UGT1A7: variants seen among roughly 807,000 people sequenced by gnomAD.
The protein encoded by UGT1A7 is UDP-glucuronosyltransferase 1A7.
UGT1A7 carries 33 observed loss-of-function variants against 45.6 expected under a neutral mutation model. The observed-to-expected ratio is 0.72, with a 90% CI of 0.55 to 0.97. UGT1A7 has a LOEUF of 0.97. Among genes scored for constraint, UGT1A7 ranks in the 50% least tolerant of loss-of-function variants. The pLI, the probability that UGT1A7 is intolerant of heterozygous loss-of-function variation, is 0.00. For missense variants in UGT1A7, 684 were observed against 666.2 expected (o/e 1.03, Z -0.29); for synonymous variants, 274 against 250.6 (o/e 1.09, Z -0.88).
intron 1 of UGT1A7, among the ~76,000 whole-genome samples, chr2:233,712,623 C>T (rs5020121): frequency 0.1 from 15,461 of 152,214 alleles, 906 homozygotes; most frequent in East Asian, 0.2. Flanking sequence ...GGTGACTCCT[C>T]AGACCTCAGC....
At chr2:233,728,122 T>C (rs534141246) in intron 1 of UGT1A7, among the ~76,000 whole-genome samples, 2 of 152,362 alleles carry the variant, frequency 1.3e-5, no homozygotes, top group Non-Finnish European at 2.9e-5. Context: ...TCTTGAAATT[T>C]GGACTAGGGC....
At chr2:233,683,614 CTGTTT>C (rs1257566259) in intron 1 of UGT1A7, among the ~76,000 whole-genome samples, 11 of 152,068 alleles carry the variant, frequency 7.2e-5, no homozygotes, top group African/African-American at 2.7e-4. Context: ...TATTCGGATT[CTGTTT>C]TATTTCCATA....
intron 1 of UGT1A7, chr2:233,690,690 T>A (rs959108318): frequency 1.6e-6 from 2 of 1,249,564 alleles, no homozygotes; most frequent in African/African-American, 3.1e-5. Flanking sequence ...CCAGCGGAGC[T>A]ACTCTTTAGG....
chr2:233,758,308 C>G (rs1190172459), intron 1 of UGT1A7, among the ~76,000 whole-genome samples: 1 of 152,214 alleles, frequency 6.6e-6, no homozygotes. Flanking sequence ...TCCAGGTACA[C>G]AGCAGAAGCA....
intron 1 of UGT1A7, among the ~76,000 whole-genome samples, chr2:233,725,204 A>AGAGGCAGAG (rs1559370312): frequency 1.2e-4 from 10 of 85,258 alleles, no homozygotes; most frequent in African/African-American, 8.3e-4. Context: ...AGGCAGAGGC[A>AGAGGCAGAG]GAGGCAGAGG....
intron 1 of UGT1A7, chr2:233,753,481 C>G (rs1199479898): frequency 6.6e-6 from 1 of 152,192 alleles, no homozygotes; most frequent in African/African-American, 2.4e-5. Flanking sequence ...TACCAGCATG[C>G]TGCTCTTAAT....
intron 1 of UGT1A7, chr2:233,729,592 C>G (rs1253832448): frequency 6.2e-7 from 1 of 1,613,966 alleles, no homozygotes; most frequent in African/African-American, 1.3e-5. Context: ...CCCCGTTAAC[C>G]TCTGCGCGGC....
intron 1 of UGT1A7, chr2:233,760,411 A>G (rs1575771994): frequency 6.2e-7 from 1 of 1,614,192 alleles, no homozygotes; most frequent in Non-Finnish European, 8.5e-7. Context: ...CCACTGGCTG[A>G]GCATGCTTGG....
At chr2:233,709,468 G>T (rs1361745327) in intron 1 of UGT1A7, among the ~76,000 whole-genome samples, 1 of 152,084 alleles carries the variant, frequency 6.6e-6, no homozygotes, top group Non-Finnish European at 1.5e-5. Flanking sequence ...TCATTTTGGG[G>T]CTTATAAGTA....
At chr2:233,695,200 A>G (rs2075272286) in intron 1 of UGT1A7, among the ~76,000 whole-genome samples, 1 of 145,726 alleles carries the variant, frequency 6.9e-6, no homozygotes, top group South Asian at 2.2e-4. Flanking sequence ...ATCTCAGCCC[A>G]CTGCAACCTC....
At chr2:233,692,672 T>G (rs1295423428) in intron 1 of UGT1A7, among the ~76,000 whole-genome samples, 1 of 152,104 alleles carries the variant, frequency 6.6e-6, no homozygotes, top group African/African-American at 2.4e-5. Context: ...GGATAGAGAA[T>G]TGGCAGGGGG....
chr2:233,740,668 G>A (rs1267064015), intron 1 of UGT1A7: 1 of 151,782 alleles, frequency 6.6e-6, no homozygotes, highest in Non-Finnish European at 1.5e-5. Context: ...GAAGGTACAG[G>A]TGTTTCCATG....
At chr2:233,724,418 G>C (rs1312846631) in intron 1 of UGT1A7, among the ~76,000 whole-genome samples, 1 of 134,216 alleles carries the variant, frequency 7.5e-6, no homozygotes, top group African/African-American at 2.8e-5. Flanking sequence ...TGGCTGCCGG[G>C]CGGAGAGGCT....
At chr2:233,714,923 C>A (rs532200319) in intron 1 of UGT1A7, among the ~76,000 whole-genome samples, 1 of 152,298 alleles carries the variant, frequency 6.6e-6, no homozygotes, top group Admixed American at 6.5e-5. Context: ...GTCACCCAGT[C>A]TGGAGTGCAG....
chr2:233,755,122 C>T, intron 1 of UGT1A7: 1 of 1,328,086 alleles, frequency 7.5e-7, no homozygotes, highest in Non-Finnish European at 1.0e-6. Flanking sequence ...TAGGCCTCAG[C>T]CACCTGCTTG....
intron 1 of UGT1A7, among the ~76,000 whole-genome samples, chr2:233,686,310 C>G (rs2074783294): frequency 6.6e-6 from 1 of 151,772 alleles, no homozygotes; most frequent in African/African-American, 2.4e-5. Flanking sequence ...AGAGATAAAT[C>G]TGACTTTATC....
At chr2:233,691,686 GC>G in intron 1 of UGT1A7, 1 of 955,316 alleles carries the variant, frequency 1.0e-6, no homozygotes, top group Non-Finnish European at 1.2e-6. Context: ...GAAACCTGAA[GC>G]TCAGGAGAGG....
chr2:233,716,176 C>T (rs1228231664), intron 1 of UGT1A7, among the ~76,000 whole-genome samples: 1 of 152,126 alleles, frequency 6.6e-6, no homozygotes, highest in Non-Finnish European at 1.5e-5. Flanking sequence ...GCAGCATCTT[C>T]AAGTCTCTAA....
intron 1 of UGT1A7, among the ~76,000 whole-genome samples, chr2:233,746,863 G>A (rs1360451687): frequency 6.6e-6 from 1 of 151,770 alleles, no homozygotes; most frequent in Non-Finnish European, 1.5e-5. Flanking sequence ...GCTGCAGCCT[G>A]ATAAACGTGG....
Sources: gnomAD v4.1 joint callset for allele counts (sites outside exome capture counted in the v4.1 genomes callset) on GRCh38, gnomAD v4.1.1 for gene constraint, MANE v1.5 for transcripts, NCBI Gene and HGNC (gene_info 2026-07-23, HGNC 2026-07-21) for gene names.